The following ZNF385B variants were observed in gnomAD, a reference collection of about 807,000 sequenced individuals.
The protein encoded by ZNF385B is zinc finger protein 533.
A neutral mutation model predicts 39.2 loss-of-function variants in ZNF385B; 23 were observed. The ratio of observed to expected loss-of-function variants is 0.59; its 90% CI spans 0.42 to 0.83. ZNF385B has a LOEUF of 0.83. Among genes scored for constraint, ZNF385B ranks in the 40% least tolerant of loss-of-function variants. ZNF385B has a pLI of 0.00. For missense variants in ZNF385B, 552 were observed against 598.9 expected (o/e 0.92, Z 0.82); for synonymous variants, 205 against 222.6 (o/e 0.92, Z 0.70).
chr2:179,715,867 T>C (rs1024492056), intron 3 of ZNF385B, among the ~76,000 whole-genome samples: 2 of 152,126 alleles, frequency 1.3e-5, no homozygotes, highest in African/African-American at 4.8e-5. Context: ...TGAATAAATA[T>C]ATATTGTTAA....
At chr2:179,701,176 A>T (rs1177705225) in intron 3 of ZNF385B, among the ~76,000 whole-genome samples, 2 of 152,220 alleles carry the variant, frequency 1.3e-5, no homozygotes, top group African/African-American at 4.8e-5. Context: ...TACACTTTGA[A>T]AGTCTCATAT....
chr2:179,809,442 A>G (rs765237764), intron 1 of ZNF385B, among the ~76,000 whole-genome samples: 17 of 152,180 alleles, frequency 1.1e-4, no homozygotes, highest in Non-Finnish European at 2.2e-4. Flanking sequence ...CTAGTCATTA[A>G]CATGGCAATC....
At chr2:179,696,326 C>CTTTTTTATTTTTTTTTTTTTTT in intron 3 of ZNF385B, among the ~76,000 whole-genome samples, 1 of 40,354 alleles carries the variant, frequency 2.5e-5, no homozygotes, top group Non-Finnish European at 4.1e-5. Context: ...CAAACTGGGA[C>CTTTTTTATTTTTTTTTTTTTTT]TTTTTTTTTT....
rs191335478 is a variant in ZNF385B at position 179,470,905 on chromosome 2, C to G, written c.715+12367G>C. Among the ~76,000 whole-genome samples, 217 of 107,430 alleles carry G rather than the reference C, an allele frequency of 2.0e-3. 1 individual carries two copies. The highest frequency in any genetic ancestry group is 3.2e-3 in the Admixed American group (33 of 10,228). The allele number at this position is 107,430 out of a possible 152,430, so 70.5% of individuals were successfully genotyped here. A position where few individuals can be genotyped will look rare whatever the true frequency, so the allele number is the denominator to read the frequency against. On this transcript the variant is annotated intron_variant, in intron 6 of 9. Coordinates refer to ENST00000410066, the MANE Select transcript of ZNF385B (RefSeq NM_152520.6). ...AACAAACAAACTGGATGAGGTTTCC[C>G]TCTCCTCTTGTTTTATGTCCTTGAG...
intron 3 of ZNF385B, among the ~76,000 whole-genome samples, chr2:179,748,053 C>T (rs114431745): frequency 0.018 from 2,745 of 152,128 alleles, 48 homozygotes; most frequent in South Asian, 0.031. Context: ...ACCTAAACTG[C>T]TAGAAAGTTA....
At chr2:179,846,148 C>T (rs972764608) in intron 1 of ZNF385B, among the ~76,000 whole-genome samples, 1 of 152,086 alleles carries the variant, frequency 6.6e-6, no homozygotes, top group Non-Finnish European at 1.5e-5. Context: ...TGATGCTATT[C>T]AGTTATTTTT....
chr2:179,462,920 T>A (rs2051512376), intron 6 of ZNF385B, among the ~76,000 whole-genome samples: 1 of 152,128 alleles, frequency 6.6e-6, no homozygotes, highest in African/African-American at 2.4e-5. Context: ...TGTGTGTGTT[T>A]GTGAAAATAG....
At chr2:179,504,456 AC>A (rs2057063163) in intron 5 of ZNF385B, among the ~76,000 whole-genome samples, 1 of 152,120 alleles carries the variant, frequency 6.6e-6, no homozygotes, top group Non-Finnish European at 1.5e-5. Context: ...CGCCACACTG[AC>A]TTCCACAATG....
At chr2:179,806,831 T>C (rs1706381265) in intron 1 of ZNF385B, among the ~76,000 whole-genome samples, 1 of 152,144 alleles carries the variant, frequency 6.6e-6, no homozygotes, top group South Asian at 2.1e-4. Context: ...ATATGATACA[T>C]GAAAAGATGC....
intron 3 of ZNF385B, among the ~76,000 whole-genome samples, chr2:179,769,026 G>GA (rs1033500303): frequency 6.6e-6 from 1 of 152,178 alleles, no homozygotes; most frequent in Non-Finnish European, 1.5e-5. Flanking sequence ...AAAAGAATAT[G>GA]ACAAGTTTAA....
chr2:179,514,276 C>T (rs2057919100), intron 5 of ZNF385B: 1 of 152,426 alleles, frequency 6.6e-6, no homozygotes, highest in Non-Finnish European at 1.5e-5. Flanking sequence ...CAGTGGACTC[C>T]TTGTCAGATA....
intron 3 of ZNF385B, among the ~76,000 whole-genome samples, chr2:179,608,610 T>C (rs977301379): frequency 6.6e-6 from 1 of 152,216 alleles, no homozygotes. Flanking sequence ...CCTCAGGCTC[T>C]TTTCTAGAAC....
At chr2:179,589,510 T>C (rs1687374972) in intron 3 of ZNF385B, among the ~76,000 whole-genome samples, 1 of 152,210 alleles carries the variant, frequency 6.6e-6, no homozygotes, top group African/African-American at 2.4e-5. Flanking sequence ...AGTGTGAAGA[T>C]TTCTTTAATC....
chr2:179,772,347 C>G (rs995694159), intron 1 of ZNF385B, among the ~76,000 whole-genome samples: 6 of 152,154 alleles, frequency 3.9e-5, no homozygotes, highest in Non-Finnish European at 8.8e-5. Flanking sequence ...TCTCCCAAAC[C>G]TCCAACACCG....
chr2:179,581,999 A>G (rs548365685), intron 3 of ZNF385B, among the ~76,000 whole-genome samples: 3 of 152,276 alleles, frequency 2.0e-5, no homozygotes, highest in East Asian at 1.9e-4. Flanking sequence ...ATAGTAAACT[A>G]TCCTGTATTT....
intron 4 of ZNF385B, among the ~76,000 whole-genome samples, chr2:179,528,856 A>G (rs2059087826): frequency 1.3e-5 from 2 of 152,218 alleles, no homozygotes; most frequent in South Asian, 4.1e-4. Context: ...GGCTAGCTCT[A>G]CATGCCTGGT....
chr2:179,789,469 C>T (rs1705197800), intron 1 of ZNF385B, among the ~76,000 whole-genome samples: 1 of 152,104 alleles, frequency 6.6e-6, no homozygotes. Context: ...AATATATAGG[C>T]AGCTGGCAGT....
At chr2:179,830,836 G>A (rs556315038) in intron 1 of ZNF385B, among the ~76,000 whole-genome samples, 36 of 152,234 alleles carry the variant, frequency 2.4e-4, no homozygotes, top group African/African-American at 8.7e-4. Context: ...CACAAAGAGT[G>A]AACATTAATG....
chr2:179,855,563 C>A (rs778262555), intron 1 of ZNF385B, among the ~76,000 whole-genome samples: 2 of 152,080 alleles, frequency 1.3e-5, no homozygotes, highest in African/African-American at 4.8e-5. Flanking sequence ...AGCAAAAGGG[C>A]AATTGTTTTG....
Sources: allele counts gnomAD v4.1 joint callset (sites outside exome capture counted in the v4.1 genomes callset), GRCh38; gene constraint gnomAD v4.1.1; transcripts MANE v1.5; gene names NCBI Gene and HGNC (gene_info 2026-07-23, HGNC 2026-07-21).